ULK4: variants seen among roughly 807,000 people sequenced by gnomAD.
The protein encoded by ULK4 is inactive serine/threonine-protein kinase ULK4.
ULK4 carries 133 observed loss-of-function variants against 160.6 expected under a neutral mutation model. That is an observed-to-expected ratio of 0.83 (90% CI 0.72 to 0.96). The LOEUF (loss-of-function observed/expected upper bound fraction) is 0.96. Among genes scored for constraint, ULK4 ranks in the 40% least tolerant of loss-of-function variants. The probability of loss-of-function intolerance (pLI) is 0.00; values close to 1 mark genes in which losing one functional copy is unlikely to be tolerated. For synonymous variants in ULK4, 534 were observed against 539.8 expected (o/e 0.99, Z 0.15); for missense variants, 1,580 against 1,499.5 (o/e 1.05, Z -0.89).
chr3:41,513,195 C>T (rs898880881), intron 32 of ULK4, among the ~76,000 whole-genome samples: 1 of 152,142 alleles, frequency 6.6e-6, no homozygotes, highest in Admixed American at 6.5e-5. Context: ...CATAAAGATT[C>T]TAGAAGATAA....
At position 41,249,544 on chromosome 3, in the gene ULK4, G is replaced by A. The variant is rs753820989; in HGVS notation, c.3709C>T (p.Leu1237Phe). ...CGCAGGAGGCTGCCTGCATTCTTGA[G>A]GCTCTCCAAGTGCTTCTCATTGGAG... ...ITSNEKHLESLKNAGSLLRAL... is the reference protein window; with the variant it reads ...ITSNEKHLESFKNAGSLLRAL... The change falls in exon 36 of 37, where the codon CTC becomes TTC. Residue 1237 changes from leucine (L) to phenylalanine (F), a missense_variant. Transcript: ENST00000301831. The A allele has an allele frequency of 4.3e-6, 7 of 1,613,992 alleles. No individual in the cohort carries two copies. Among genetic ancestry groups the A allele is most frequent in the Admixed American group, 1.7e-5 (1 of 59,990 alleles).
At chr3:41,919,993 G>A (rs1319812317) in intron 5 of ULK4, among the ~76,000 whole-genome samples, 175 bp from the exon 6 acceptor site, 1 of 152,078 alleles carries the variant, frequency 6.6e-6, no homozygotes, top group Non-Finnish European at 1.5e-5. Flanking sequence ...GTTACATTTT[G>A]CAAAGGATGT....
chr3:41,506,157 C>G (rs2085366085), intron 32 of ULK4, among the ~76,000 whole-genome samples: 1 of 152,148 alleles, frequency 6.6e-6, no homozygotes, highest in Non-Finnish European at 1.5e-5. Flanking sequence ...TACATTAACA[C>G]TTTTTATTAA....
chr3:41,364,469 G>GGC (rs1245823357), intron 35 of ULK4, among the ~76,000 whole-genome samples: 6 of 152,128 alleles, frequency 3.9e-5, no homozygotes, highest in Non-Finnish European at 8.8e-5. Context: ...CAAAACTCTT[G>GGC]TACTGTTTTG....
chr3:41,297,135 A>G (rs1355760904), intron 35 of ULK4, among the ~76,000 whole-genome samples: 1 of 152,118 alleles, frequency 6.6e-6, no homozygotes, highest in African/African-American at 2.4e-5. Flanking sequence ...AAGCCCATCC[A>G]TCTTTGAGGG....
At chr3:41,632,789 A>T (rs2033802022) in intron 30 of ULK4, among the ~76,000 whole-genome samples, 1 of 152,166 alleles carries the variant, frequency 6.6e-6, no homozygotes, top group Admixed American at 6.5e-5. Flanking sequence ...TTCAGATGAC[A>T]AATTAAGGCA....
At position 41,935,815 on chromosome 3, in the gene ULK4, T is replaced by C. The variant is rs557651274; in HGVS notation, c.364A>G (p.Ile122Val). 2.5e-5 allele frequency: 40 copies of C among 1,609,518 alleles called. No individual in the cohort carries two copies. Among genetic ancestry groups the C allele is most frequent in the South Asian group, 4.5e-5 (4 of 89,880 alleles). ...LHKLGILFCDISPRKILLEGP... is the reference protein window; with the variant it reads ...LHKLGILFCDVSPRKILLEGP... ...TCATGAATTACCTTCCTAGGAGAAA[T>C]GTCACAAAAGAGAATGCCAAGTTTA... is the stretch of plus-strand genomic sequence containing the variant. The change falls in exon 4 of 37, where the codon ATT becomes GTT. Residue 122 changes from isoleucine to valine, a missense_variant. Coordinates refer to ENST00000301831, the MANE Select transcript of ULK4 (RefSeq NM_017886.4).
Position 41,884,048 on chromosome 3 carries a change from A to G in ULK4, c.1578-96T>C, listed in dbSNP as rs181517057. The G allele has an allele frequency of 5.0e-4, 430 of 857,216 alleles. 2 individuals carry two copies. Among genetic ancestry groups the G allele is most frequent in the South Asian group, 1.2e-3 (84 of 69,158 alleles). The allele number at this position is 857,216 out of a possible 1,614,324, so 53.1% of individuals were successfully genotyped here. ...CATTATGCAATGATGAGCATTAGAT[A>G]TAAGACTGAGAAATAAAAATTGAAT... On this transcript the variant is annotated intron_variant, in intron 16 of 36. Transcript: ENST00000301831.
chr3:41,636,840 A>G (rs984260979), intron 30 of ULK4, among the ~76,000 whole-genome samples: 7 of 151,932 alleles, frequency 4.6e-5, no homozygotes, highest in African/African-American at 1.5e-4. Flanking sequence ...ACATTTGTGA[A>G]TATCTTTTAC....
intron 35 of ULK4, among the ~76,000 whole-genome samples, chr3:41,302,053 T>G (rs2079811176): frequency 6.6e-6 from 1 of 152,172 alleles, no homozygotes; most frequent in Non-Finnish European, 1.5e-5. Flanking sequence ...TTTCCTACGC[T>G]CTCAGGAAAA....
intron 19 of ULK4, among the ~76,000 whole-genome samples, chr3:41,811,516 G>A (rs7651659): frequency 0.061 from 9,250 of 152,078 alleles, 884 homozygotes; most frequent in African/African-American, 0.21. Flanking sequence ...TCTAATCCTT[G>A]TATTGGAAAG....
At chr3:41,261,196 T>C (rs1559492324) in intron 35 of ULK4, among the ~76,000 whole-genome samples, 1 of 137,298 alleles carries the variant, frequency 7.3e-6, no homozygotes, top group East Asian at 2.1e-4. Context: ...TAAAAAGCCT[T>C]GGAGTAAAAC....
At chr3:41,480,786 A>G (rs1165717076) in intron 32 of ULK4, among the ~76,000 whole-genome samples, 2 of 152,188 alleles carry the variant, frequency 1.3e-5, no homozygotes, top group Non-Finnish European at 2.9e-5. Context: ...ATGTACAATC[A>G]TGGTGGAAGG....
rs1425232156 is a variant in ULK4 at position 41,710,988 on chromosome 3, G to A, written c.2634+4249C>T. Among the ~76,000 whole-genome samples, 5 of 152,238 alleles carry A rather than the reference G, an allele frequency of 3.3e-5. No homozygotes were observed. In the East Asian group the frequency reaches 5.8e-4, roughly 18 times the overall value. Reference sequence around the variant, plus strand: ...AATGAGCTGAAAATCAGGGGTGGTGGGCCGACAAGCGGATGCTGACAGTAA... The same window carrying A: ...AATGAGCTGAAAATCAGGGGTGGTGAGCCGACAAGCGGATGCTGACAGTAA... On this transcript the variant is annotated intron_variant, in intron 25 of 36. Transcript: ENST00000301831.
At chr3:41,324,041 C>G (rs1363039397) in intron 35 of ULK4, among the ~76,000 whole-genome samples, 1 of 152,146 alleles carries the variant, frequency 6.6e-6, no homozygotes, top group East Asian at 1.9e-4. Context: ...ACCAGCCCAG[C>G]AGGAAGCCAG....
chr3:41,531,426 G>A (rs1357033202), intron 32 of ULK4, among the ~76,000 whole-genome samples: 1 of 109,520 alleles, frequency 9.1e-6, no homozygotes, highest in African/African-American at 3.5e-5. Flanking sequence ...AGGTGACAGA[G>A]CAAGACTCCG....
chr3:41,954,190 A>AG (rs1183843164), intron 2 of ULK4, among the ~76,000 whole-genome samples: 23 of 150,376 alleles, frequency 1.5e-4, no homozygotes, highest in East Asian at 3.9e-4. Flanking sequence ...AAAAAAAAAA[A>AG]AAAAAGAAAA....
intron 32 of ULK4, among the ~76,000 whole-genome samples, chr3:41,563,942 T>C (rs1468380271): frequency 6.6e-6 from 1 of 152,210 alleles, no homozygotes; most frequent in Non-Finnish European, 1.5e-5. Flanking sequence ...GAAAAGGTGC[T>C]ATGGTTTTTA....
intron 21 of ULK4, among the ~76,000 whole-genome samples, chr3:41,786,928 T>C (rs142439490): frequency 2.3e-4 from 35 of 152,242 alleles, no homozygotes; most frequent in African/African-American, 8.2e-4. Context: ...TTTTGCCTCT[T>C]ATATCCCAGA....
Sources: gnomAD v4.1 joint callset for allele counts (sites outside exome capture counted in the v4.1 genomes callset) on GRCh38, gnomAD v4.1.1 for gene constraint, MANE v1.5 for transcripts, NCBI Gene and HGNC (gene_info 2026-07-23, HGNC 2026-07-21) for gene names.